CD82: variants seen among roughly 807,000 people sequenced by gnomAD.
CD82 encodes the protein CD82 molecule, also known as CD82 antigen.
CD82 carries 36 observed loss-of-function variants against 37.4 expected under a neutral mutation model. The observed-to-expected ratio is 0.96, with a 90% confidence interval of 0.74 to 1.27. The LOEUF is 1.27. Among genes scored for constraint, CD82 ranks in the 50% most tolerant of loss-of-function variants. The pLI is 0.00. For synonymous variants in CD82, 158 were observed against 137.4 expected, an observed-to-expected ratio of 1.15 and a Z score of -1.05; for missense variants, 340 against 347.0, an observed-to-expected ratio of 0.98 and a Z score of 0.16.
chr11:44,590,977 C>G (rs1853137390), intron 2 of CD82, among the ~76,000 whole-genome samples: 1 of 152,228 alleles, frequency 6.6e-6, no homozygotes, highest in East Asian at 1.9e-4. Flanking sequence ...GGAGAATGTT[C>G]TTCACCCTCT....
chr11:44,616,882 G>T (rs961960447), intron 7 of CD82, among the ~76,000 whole-genome samples: 1 of 152,204 alleles, frequency 6.6e-6, no homozygotes, highest in African/African-American at 2.4e-5. Flanking sequence ...TTTTGCTCTG[G>T]TGTAGGATGG....
chr11:44,589,141 A>T (rs965964698), intron 2 of CD82, among the ~76,000 whole-genome samples: 1 of 152,212 alleles, frequency 6.6e-6, no homozygotes, highest in Non-Finnish European at 1.5e-5. Context: ...CTGTAATCCC[A>T]GCTACTCTGG....
At chr11:44,591,476 C>A (rs1004163068) in intron 2 of CD82, among the ~76,000 whole-genome samples, 6 of 152,198 alleles carry the variant, frequency 3.9e-5, no homozygotes, top group Non-Finnish European at 8.8e-5. Context: ...TCCTCCTTGC[C>A]CTCTGAGCAG....
chr11:44,604,712 C>A (rs898644615), intron 4 of CD82: 4 of 350,806 alleles, frequency 1.1e-5, no homozygotes, highest in Non-Finnish European at 2.2e-5. Context: ...GAAGCTTCTG[C>A]CCTCATGCAC....
At chr11:44,591,110 C>T (rs1056003352) in intron 2 of CD82, among the ~76,000 whole-genome samples, 2 of 152,168 alleles carry the variant, frequency 1.3e-5, no homozygotes, top group African/African-American at 4.8e-5. Flanking sequence ...GCACCTTCTC[C>T]TCCCTCGGGT....
Position 44,605,157 on chromosome 11 carries a change from A to G in CD82, c.236A>G (p.Asn79Ser), listed in dbSNP as rs765440814. 7 of 1,614,116 alleles carry G rather than the reference A, an allele frequency of 4.3e-6. No individual in the cohort carries two copies. The highest frequency in any genetic ancestry group is 2.2e-5 in the East Asian group (1 of 44,880). The change falls in exon 5 of 10, where the codon AAC becomes AGC. Residue 79 changes from asparagine (N) to serine (S), a missense_variant. Coordinates refer to ENST00000227155, the MANE Select transcript of CD82 (RefSeq NM_002231.4). The part of the protein sequence containing the change: ...MGFLGCIGAV[N>S]EVRCLLGLYF... Reference sequence around the variant, plus strand: ...TTCCTGGGCTGCATCGGCGCCGTCAACGAGGTCCGCTGCCTGCTGGGGCTG... The same window carrying G: ...TTCCTGGGCTGCATCGGCGCCGTCAGCGAGGTCCGCTGCCTGCTGGGGCTG...
chr11:44,573,136 T>A (rs1418752798), intron 1 of CD82: 3 of 152,218 alleles, frequency 2.0e-5, no homozygotes, highest in Non-Finnish European at 4.4e-5. Context: ...GAGCGAGGCC[T>A]GAGGTGTTTC....
intron 8 of CD82, 111 bp from the exon 9 acceptor site, chr11:44,618,529 A>G: frequency 6.4e-6 from 7 of 1,097,236 alleles, no homozygotes; most frequent in Non-Finnish European, 9.5e-6. Context: ...AGGAACAGGC[A>G]GAGCCCTCTG....
At chr11:44,590,636 A>AAAAG (rs1376884440) in intron 2 of CD82, among the ~76,000 whole-genome samples, 1 of 150,216 alleles carries the variant, frequency 6.7e-6, no homozygotes, top group Non-Finnish European at 1.5e-5. Context: ...AAAAAGATGA[A>AAAAG]ATCTGTTCTT....
intron 1 of CD82, among the ~76,000 whole-genome samples, chr11:44,574,775 A>T (rs931858554): frequency 6.6e-6 from 1 of 152,138 alleles, no homozygotes; most frequent in African/African-American, 2.4e-5. Context: ...GCCACTTTTG[A>T]CTGAGTGCTG....
At chr11:44,588,370 C>T (rs552414763) in intron 2 of CD82, among the ~76,000 whole-genome samples, 2 of 152,046 alleles carry the variant, frequency 1.3e-5, no homozygotes, top group African/African-American at 4.8e-5. Context: ...ACTGCAGGCA[C>T]CCGCCACCAT....
In CD82 at chr11:44,618,261, G is replaced by A. The variant is rs763918347; in HGVS notation, c.538G>A (p.Gly180Arg). The A allele has an allele frequency of 3.7e-6, 6 of 1,614,142 alleles. No homozygotes were observed. In the Admixed American group the frequency reaches 8.3e-5, roughly 22 times the overall value. Residue 180 changes from glycine to arginine, a missense_variant, in exon 8 of 10, where the codon GGG becomes AGG. Coordinates refer to ENST00000227155, the MANE Select transcript of CD82 (RefSeq NM_002231.4). ...VTYPCSCEVK[G>R]EEDNSLSVRK... is the part of the protein sequence containing the mutation. Reference sequence around the variant, plus strand: ...CTACCCCTGTTCCTGCGAAGTCAAGGGGGAAGAGGACAACAGCCTTTCTGT... The same window carrying A: ...CTACCCCTGTTCCTGCGAAGTCAAGAGGGAAGAGGACAACAGCCTTTCTGT...
At chr11:44,573,759 C>A (rs1341350475) in intron 1 of CD82, among the ~76,000 whole-genome samples, 1 of 152,222 alleles carries the variant, frequency 6.6e-6, no homozygotes, top group Admixed American at 6.5e-5. Flanking sequence ...AACACTGGGG[C>A]TGTGCCTACA....
intron 1 of CD82, among the ~76,000 whole-genome samples, chr11:44,568,291 G>T (rs10838307): frequency 0.58 from 88,609 of 151,886 alleles, 26,972 homozygotes; most frequent in African/African-American, 0.72. Flanking sequence ...GCCACAGGGA[G>T]AGCAAAGGCA....
intron 2 of CD82, among the ~76,000 whole-genome samples, chr11:44,594,316 C>T (rs1853189107): frequency 6.6e-6 from 1 of 152,122 alleles, no homozygotes; most frequent in Admixed American, 6.5e-5. Context: ...CAAACAGAGT[C>T]CATCTGTGCA....
chr11:44,572,871 A>G (rs1852833940), intron 1 of CD82, among the ~76,000 whole-genome samples: 1 of 151,996 alleles, frequency 6.6e-6, no homozygotes, highest in African/African-American at 2.4e-5. Context: ...TCTGGGGTCC[A>G]GAGGGCTTGC....
intron 1 of CD82, among the ~76,000 whole-genome samples, chr11:44,568,513 T>C (rs1451314922): frequency 8.4e-6 from 1 of 119,106 alleles, no homozygotes; most frequent in Non-Finnish European, 1.8e-5. Flanking sequence ...AGCAGTAAGT[T>C]TGGGGGTCGG....
intron 4 of CD82, chr11:44,604,807 C>T (rs1381371927): frequency 7.4e-6 from 4 of 542,120 alleles, no homozygotes; most frequent in Non-Finnish European, 1.3e-5. Context: ...AGAAGCCTTA[C>T]GAAGTAAAAA....
intron 6 of CD82, among the ~76,000 whole-genome samples, chr11:44,608,543 C>G (rs1437928927): frequency 6.6e-6 from 1 of 152,254 alleles, no homozygotes; most frequent in Non-Finnish European, 1.5e-5. Flanking sequence ...CTCTGACATT[C>G]TGGGCATGCT....
Sources: gnomAD v4.1 joint callset for allele counts (sites outside exome capture counted in the v4.1 genomes callset) on GRCh38, gnomAD v4.1.1 for gene constraint, MANE v1.5 for transcripts, NCBI Gene and HGNC (gene_info 2026-07-23, HGNC 2026-07-21) for gene names.